The following ZNF749 variants were observed in gnomAD, a reference collection of about 807,000 sequenced individuals.
ZNF749 encodes the protein zinc finger protein 749.
Under a neutral mutation model 7.3 loss-of-function variants are expected in ZNF749, and 8 were observed. That is an observed-to-expected ratio of 1.10 (90% confidence interval 0.64 to 1.98). The LOEUF is 1.98. Ranked by LOEUF, ZNF749 falls within the 30% of genes most tolerant of loss-of-function variation. ZNF749 has a pLI of 0.00. For synonymous variants in ZNF749, 310 were observed against 322.4 expected, an observed-to-expected ratio of 0.96 and a Z score of 0.41; for missense variants, 898 against 932.4, an observed-to-expected ratio of 0.96 and a Z score of 0.48.
In ZNF749 at chr19:57,444,323, G is replaced by A. The variant is rs1568547260; in HGVS notation, c.1175G>A (p.Ser392Asn). ...FECSICGKFFSHRSTLNMHQR... is the reference protein window; with the variant it reads ...FECSICGKFFNHRSTLNMHQR... ...TGCAGCATATGTGGAAAATTCTTTAGTCACCGCTCCACACTCAATATGCAC... is the reference window on the plus strand; with the variant it reads ...TGCAGCATATGTGGAAAATTCTTTAATCACCGCTCCACACTCAATATGCAC... Residue 392 changes from serine to asparagine, a missense_variant, in exon 3 of 3, where the codon AGT (serine) becomes AAT (asparagine). Transcript: ENST00000334181. The A allele has an allele frequency of 6.2e-7, 1 of 1,613,968 alleles. No homozygotes were observed. The highest frequency in any genetic ancestry group is 1.3e-5 in the African/African-American group (1 of 74,892).
Position 57,439,864 on chromosome 19 carries a change from G to A in ZNF749, c.16-2021G>A, listed in dbSNP as rs761214234. Among the ~76,000 whole-genome samples the A allele has an allele frequency of 3.3e-5, 5 of 152,220 alleles. No individual in the cohort carries two copies. The highest frequency in any genetic ancestry group is 5.9e-5 in the Non-Finnish European group (4 of 68,036). ...GTACACACAGGAATGGAGTTCATTG[G>A]AGGTGTTCAGGAAGGAGACATCCAC... On this transcript the variant is annotated intron_variant, in intron 1 of 2. Transcript: ENST00000334181. The surrounding 1 kb of genome is among the most constrained non-coding windows in gnomAD (Gnocchi z 4.3).
Position 57,443,760 on chromosome 19 carries a change from CT to C in ZNF749, c.616del (p.Cys206AlafsTer62). The C allele has an allele frequency of 1.2e-6, 2 of 1,614,204 alleles. No individual in the cohort carries two copies. Among genetic ancestry groups the C allele is most frequent in the Non-Finnish European group, 1.7e-6 (2 of 1,180,034 alleles). On this transcript the variant is annotated frameshift_variant, in exon 3 of 3. Transcript: ENST00000334181. LOFTEE classifies it low-confidence loss of function (END_TRUNC). ...DFNSSQGGKD[F>X]CHQHGLFEHQ... ...TCAACTCCAGCCAAGGTGGGAAAGA[CT>C]TTTGCCACCAACATGGGCTGTTTGA...
rs372782172 is a variant in ZNF749, at chr19:57,441,061, A to G, written c.16-824A>G. On this transcript the variant is annotated intron_variant, in intron 1 of 2. Coordinates refer to ENST00000334181, the MANE Select transcript of ZNF749 (RefSeq NM_001023561.4). Reference sequence around the variant, plus strand: ...GAATTGCTTGAACCTGGGAGGCAGAAGTTGCAGTGAGCCACTGCACTCCAG... The same window carrying G: ...GAATTGCTTGAACCTGGGAGGCAGAGGTTGCAGTGAGCCACTGCACTCCAG... 5.1e-5 allele frequency among the ~76,000 whole-genome samples: 7 copies of G among 137,588 alleles called. No individual in the cohort carries two copies. In the East Asian group the frequency reaches 1.6e-3, roughly 31 times the overall value. The allele number at this position is 137,588 out of a possible 152,430, so 90.3% of individuals were successfully genotyped here. A position where few individuals can be genotyped will look rare whatever the true frequency, so the allele number is the denominator to read the frequency against.
In ZNF749 at chr19:57,442,523, C is replaced by T. The variant is rs2089002284; in HGVS notation, c.142+512C>T. On this transcript the variant is annotated intron_variant, in intron 2 of 2. Coordinates refer to ENST00000334181, the MANE Select transcript of ZNF749 (RefSeq NM_001023561.4). This position sits in a 1 kb window ranked among gnomAD's most constrained non-coding sequence, Gnocchi z 6.6. ...TGCTCTGTGTACATGCTGTCCCCTC[C>T]CTTTCCCTGCCTTTCCCGTAGCTGG... is the stretch of plus-strand genomic sequence containing the variant. Among the ~76,000 whole-genome samples, 1 of 152,144 alleles carries T rather than the reference C, an allele frequency of 6.6e-6. No homozygotes were observed. Among genetic ancestry groups the T allele is most frequent in the Non-Finnish European group, 1.5e-5 (1 of 68,018 alleles).
Position 57,442,451 on chromosome 19 carries a change from T to C in ZNF749, c.142+440T>C, listed in dbSNP as rs1249869729. Among the ~76,000 whole-genome samples the C allele has an allele frequency of 6.6e-6, 1 of 152,216 alleles. No homozygotes were observed. Among genetic ancestry groups the C allele is most frequent in the Non-Finnish European group, 1.5e-5 (1 of 68,032 alleles). Reference sequence around the variant, plus strand: ...GTGAAGTTATTTCTGCAGGACGCTCTACTGGGTGTTCTGGTAGCTTTAGAA... The same window carrying C: ...GTGAAGTTATTTCTGCAGGACGCTCCACTGGGTGTTCTGGTAGCTTTAGAA... On this transcript the variant is annotated intron_variant, in intron 2 of 2. Transcript: ENST00000334181. This position sits in a 1 kb window ranked among gnomAD's most constrained non-coding sequence, Gnocchi z 6.6.
Position 57,446,509 on chromosome 19 carries a change from T to A in ZNF749, c.*1024T>A, listed in dbSNP as rs988750445. Reference sequence around the variant, plus strand: ...CTATAAATATCTCATATGAGGAAACTTAAGTTTTAGTCTTTTGTGACTTAT... The same window carrying A: ...CTATAAATATCTCATATGAGGAAACATAAGTTTTAGTCTTTTGTGACTTAT... On this transcript the variant is annotated 3_prime_UTR_variant, in exon 3 of 3. Transcript: ENST00000334181. 6.6e-6 allele frequency among the ~76,000 whole-genome samples: 1 copy of A among 152,242 alleles called. No individual in the cohort carries two copies. The highest frequency in any genetic ancestry group is 6.5e-5 in the Admixed American group (1 of 15,286).
Position 57,442,450 on chromosome 19 carries a change from C to G in ZNF749, c.142+439C>G, listed in dbSNP as rs2089001386. Among the ~76,000 whole-genome samples, 1 of 152,208 alleles carries G rather than the reference C, an allele frequency of 6.6e-6. No homozygotes were observed. The highest frequency in any genetic ancestry group is 2.1e-4 in the South Asian group (1 of 4,836). On this transcript the variant is annotated intron_variant, in intron 2 of 2. Coordinates refer to ENST00000334181, the MANE Select transcript of ZNF749 (RefSeq NM_001023561.4). This position sits in a 1 kb window ranked among gnomAD's most constrained non-coding sequence, Gnocchi z 6.6. ...TGTGAAGTTATTTCTGCAGGACGCT[C>G]TACTGGGTGTTCTGGTAGCTTTAGA...
chr19:57,443,407 A>C lies in ZNF749; in HGVS notation c.259A>C (p.Lys87Gln). ...ALSTLKAQPCKMCSSILKDIL... is the reference protein window; with the variant it reads ...ALSTLKAQPCQMCSSILKDIL... Reference sequence around the variant, plus strand: ...GTCCACCCTGAAGGCCCAGCCCTGCAAGATGTGTAGCTCAATTCTGAAGGA... The same window carrying C: ...GTCCACCCTGAAGGCCCAGCCCTGCCAGATGTGTAGCTCAATTCTGAAGGA... Residue 87 changes from lysine (K) to glutamine (Q), a missense_variant, in exon 3 of 3, where the codon AAG becomes CAG. Coordinates refer to ENST00000334181, the MANE Select transcript of ZNF749 (RefSeq NM_001023561.4). 6.2e-7 allele frequency: 1 copy of C among 1,614,242 alleles called. No individual in the cohort carries two copies. Among genetic ancestry groups the C allele is most frequent in the Non-Finnish European group, 8.5e-7 (1 of 1,180,044 alleles).
rs1054954988 is a variant in ZNF749, at chr19:57,444,337, C to T, written c.1189C>T (p.Leu397Phe). The change falls in exon 3 of 3, where the codon CTC (leucine) becomes TTC (phenylalanine). Residue 397 changes from leucine (L) to phenylalanine (F), a missense_variant. Physicochemically the swap from Leu to Phe is conservative, Grantham distance 22. Coordinates refer to ENST00000334181, the MANE Select transcript of ZNF749 (RefSeq NM_001023561.4). ...CGKFFSHRST[L>F]NMHQRVHAGK... is the part of the protein sequence containing the mutation. ...AAAATTCTTTAGTCACCGCTCCACACTCAATATGCACCAGAGAGTTCATGC... is the reference window on the plus strand; with the variant it reads ...AAAATTCTTTAGTCACCGCTCCACATTCAATATGCACCAGAGAGTTCATGC... 39 of 1,614,040 alleles carry T rather than the reference C, an allele frequency of 2.4e-5. No individual in the cohort carries two copies. Among genetic ancestry groups the T allele is most frequent in the Non-Finnish European group, 2.8e-5 (33 of 1,180,016 alleles).
At chr19:57,429,540 C>T in the ZNF749 span, among the ~76,000 whole-genome samples, 1 of 152,168 alleles carries the variant, frequency 6.6e-6, no homozygotes, top group African/African-American at 2.4e-5. This position sits in a 1 kb window ranked among gnomAD's most constrained non-coding sequence, Gnocchi z 4.2. Flanking sequence ...GTAAGTGGCA[C>T]AGTCACAGTT....
chr19:57,429,407 T>C, the ZNF749 span, among the ~76,000 whole-genome samples: 1 of 152,344 alleles, frequency 6.6e-6, no homozygotes, highest in African/African-American at 2.4e-5. The surrounding 1 kb of genome is among the most constrained non-coding windows in gnomAD (Gnocchi z 4.2). Context: ...AGCCCTACTT[T>C]AATTTCTTTT....
At position 57,439,975 on chromosome 19, in the gene ZNF749, G is replaced by C. The variant is rs999701568; in HGVS notation, c.16-1910G>C. On this transcript the variant is annotated intron_variant, in intron 1 of 2. Transcript: ENST00000334181. This position sits in a 1 kb window ranked among gnomAD's most constrained non-coding sequence, Gnocchi z 4.3. ...GAAGGAAGGAGAAGGAACAGACTGA[G>C]GACTGGGTGTCTCCACTGGGCACCT... 2.6e-5 allele frequency among the ~76,000 whole-genome samples: 4 copies of C among 152,116 alleles called. No individual in the cohort carries two copies. The highest frequency in any genetic ancestry group is 5.9e-5 in the Non-Finnish European group (4 of 68,024).
chr19:57,434,666 CA>C (rs1302332885), upstream of ZNF749, among the ~76,000 whole-genome samples: 1 of 152,190 alleles, frequency 6.6e-6, no homozygotes, highest in East Asian at 1.9e-4. Flanking sequence ...TGTCATGGGC[CA>C]TTAGTCACTC....
chr19:57,438,224 A>G, intron 1 of ZNF749: 1 of 396,648 alleles, frequency 2.5e-6, no homozygotes, highest in Non-Finnish European at 4.4e-6. Flanking sequence ...GCCACCCAGA[A>G]GGAATGCTGA....
chr19:57,428,915 C>A, the ZNF749 span, among the ~76,000 whole-genome samples: 2 of 152,128 alleles, frequency 1.3e-5, no homozygotes, highest in Non-Finnish European at 2.9e-5. Flanking sequence ...TACAATAAGT[C>A]CTCAAGTTCT....
At chr19:57,435,863 C>T (rs1291498781) in intron 1 of ZNF749, among the ~76,000 whole-genome samples, 1 of 152,170 alleles carries the variant, frequency 6.6e-6, no homozygotes, top group African/African-American at 2.4e-5. Context: ...CGGAGTCTCC[C>T]CTGGAAGGGC....
At chr19:57,441,753 C>G (rs4801483) in intron 1 of ZNF749, 132 bp from the exon 2 acceptor site, 1 of 1,073,026 alleles carries the variant, frequency 9.3e-7, no homozygotes, top group Non-Finnish European at 1.4e-6. Context: ...GGATCTGGAT[C>G]GCAAGGGAAA....
the ZNF749 span, among the ~76,000 whole-genome samples, chr19:57,428,792 C>T: frequency 4.6e-5 from 7 of 152,098 alleles, no homozygotes; most frequent in Non-Finnish European, 1.0e-4. Flanking sequence ...CTAGTTTTTG[C>T]TCTCCCACTT....
chr19:57,445,400 A>T lies in ZNF749; in HGVS notation c.2252A>T (p.Tyr751Phe). 1.2e-6 allele frequency: 2 copies of T among 1,614,000 alleles called. No individual in the cohort carries two copies. The highest frequency in any genetic ancestry group is 1.7e-6 in the Non-Finnish European group (2 of 1,179,898). ...RQKTHTGERS[Y>F]ECGESSKVFK... ...AAAACTCACACTGGAGAAAGGTCTT[A>T]TGAGTGTGGTGAATCCAGCAAAGTG... is the stretch of plus-strand genomic sequence containing the variant. The change falls in exon 3 of 3, where the codon TAT becomes TTT. Residue 751 changes from tyrosine to phenylalanine, a missense_variant. By Grantham distance (22) the Tyr-to-Phe change is conservative. Coordinates refer to ENST00000334181, the MANE Select transcript of ZNF749 (RefSeq NM_001023561.4).
Sources: allele counts gnomAD v4.1 joint callset (sites outside exome capture counted in the v4.1 genomes callset), GRCh38; gene constraint gnomAD v4.1.1; non-coding constraint Gnocchi (gnomAD v3.1); transcripts MANE v1.5; gene names NCBI Gene and HGNC (gene_info 2026-07-23, HGNC 2026-07-21).